The following CIBAR1 variants were observed in gnomAD, a reference collection of about 807,000 sequenced individuals.
CIBAR1 encodes the protein CBY1 interacting BAR domain containing 1.
In CIBAR1, 25 loss-of-function variants were observed where a neutral mutation model predicts 44.0. The ratio of observed to expected loss-of-function variants is 0.57; its 90% CI spans 0.41 to 0.79. The LOEUF is 0.79. Ranked by LOEUF, CIBAR1 falls within the 30% of genes least tolerant of loss-of-function variation. The pLI is 0.00. For missense variants in CIBAR1, 278 were observed against 344.8 expected, an observed-to-expected ratio of 0.81 and a Z score of 1.53; for synonymous variants, 115 against 119.0, an observed-to-expected ratio of 0.97 and a Z score of 0.22.
intron 6 of CIBAR1, among the ~76,000 whole-genome samples, chr8:93,718,005 C>T (rs866663875): frequency 4.6e-5 from 7 of 152,166 alleles, no homozygotes; most frequent in African/African-American, 1.4e-4. Flanking sequence ...TGATTGATTC[C>T]GGCAAGAACA....
chr8:93,717,861 A>G (rs1383324953), intron 6 of CIBAR1, among the ~76,000 whole-genome samples: 2 of 152,090 alleles, frequency 1.3e-5, no homozygotes, highest in East Asian at 3.9e-4. Context: ...TCTTTTCCAC[A>G]CCTACTGATT....
At chr8:93,716,890 C>A (rs1016743020) in intron 6 of CIBAR1, among the ~76,000 whole-genome samples, 1 of 152,172 alleles carries the variant, frequency 6.6e-6, no homozygotes, top group African/African-American at 2.4e-5. Context: ...ATATCCTATA[C>A]GCTGGAGAGC....
At position 93,728,221 on chromosome 8, in the gene CIBAR1, T is replaced by C. The variant is rs1563653918; in HGVS notation, c.794T>C (p.Leu265Pro). The C allele has an allele frequency of 6.3e-7, 1 of 1,590,508 alleles. No individual in the cohort carries two copies. ...TTTTAACAGGTATCCACTTGTCGACTAAGAAAGGATCAACAAGCAGAAGAT... is the reference window on the plus strand; with the variant it reads ...TTTTAACAGGTATCCACTTGTCGACCAAGAAAGGATCAACAAGCAGAAGAT... Reference protein sequence around the residue: ...SGTGQVSTCRLRKDQQAEDDE... With the variant: ...SGTGQVSTCRPRKDQQAEDDE... The change falls in exon 9 of 9, where the codon CTA becomes CCA. Residue 265 changes from leucine to proline, a missense_variant. Coordinates refer to ENST00000518322, the MANE Select transcript of CIBAR1 (RefSeq NM_145269.5).
chr8:93,727,213 C>T (rs1375969613), intron 8 of CIBAR1: 1 of 1,279,588 alleles, frequency 7.8e-7, no homozygotes, highest in Admixed American at 2.4e-5. Flanking sequence ...ATATAAAATT[C>T]AACAAACTTA....
rs1009757397 is a variant in CIBAR1 at position 93,727,065 on chromosome 8, A to C, written c.777+552A>C. On this transcript the variant is annotated intron_variant, in intron 8 of 8. Coordinates refer to ENST00000518322, the MANE Select transcript of CIBAR1 (RefSeq NM_145269.5). ...GTTTCTACCCCAACAACTATAAATA[A>C]CAACTGTTAAGTAACACATAAAGCA... The C allele has an allele frequency of 5.4e-6, 3 of 557,348 alleles. No individual in the cohort carries two copies. In the African/African-American group the frequency reaches 5.8e-5, roughly 11 times the overall value. 34.5% of individuals were successfully genotyped at this position (557,348 alleles called of 1,614,324 possible).
chr8:93,710,916 A>G (rs971221389), intron 6 of CIBAR1, among the ~76,000 whole-genome samples: 8 of 152,156 alleles, frequency 5.3e-5, no homozygotes, highest in Non-Finnish European at 1.0e-4. Context: ...GGAGCTATAA[A>G]CCAATTTTTT....
chr8:93,726,305 T>TA (rs555755364), intron 7 of CIBAR1, 89 bp from the exon 8 acceptor site: 869 of 1,227,286 alleles, frequency 7.1e-4, no homozygotes, highest in Middle Eastern at 3.4e-3. Flanking sequence ...GTTGTTTTTT[T>TA]AAAAAAAAAT....
Position 93,705,025 on chromosome 8 carries a change from T to C in CIBAR1, c.432+15T>C, listed in dbSNP as rs1810523079. The C allele has an allele frequency of 6.3e-7, 1 of 1,588,358 alleles. No individual in the cohort carries two copies. Among genetic ancestry groups the C allele is most frequent in the Non-Finnish European group, 8.6e-7 (1 of 1,157,986 alleles). On this transcript the variant is annotated intron_variant, in intron 4 of 8. Transcript: ENST00000518322. ...GACATGTTATTGTATCCTTTGAATT[T>C]GGGTCTTTAAAAAAATGTTTAAGGT...
At chr8:93,723,325 G>A (rs530318116) in intron 7 of CIBAR1, among the ~76,000 whole-genome samples, 47 of 152,190 alleles carry the variant, frequency 3.1e-4, no homozygotes, top group African/African-American at 1.1e-3. Context: ...GTCATACCAG[G>A]ATGTCAGTGG....
intron 7 of CIBAR1, chr8:93,719,514 C>T (rs937413478): frequency 1.1e-4 from 17 of 152,272 alleles, no homozygotes; most frequent in East Asian, 3.9e-4. Context: ...TGCTATAACT[C>T]TCATTTTACA....
intron 2 of CIBAR1, chr8:93,702,275 T>C (rs559746780): frequency 2.4e-6 from 1 of 422,950 alleles, no homozygotes; most frequent in South Asian, 1.7e-5. Context: ...GGAGGTACTT[T>C]TGGAAAAATG....
At position 93,712,449 on chromosome 8, in the gene CIBAR1, A is replaced by G. The variant is rs892614460; in HGVS notation, c.543+2574A>G. ...ATACCACATTTTGTTTACTCATTTC[A>G]TGGACATTTCGGTGGTTTCCACCTT... On this transcript the variant is annotated intron_variant, in intron 6 of 8. Coordinates refer to ENST00000518322, the MANE Select transcript of CIBAR1 (RefSeq NM_145269.5). Among the ~76,000 whole-genome samples, 7 of 152,142 alleles carry G rather than the reference A, an allele frequency of 4.6e-5. No individual in the cohort carries two copies. The East Asian group carries it at 7.7e-4, about 17-fold the overall frequency.
chr8:93,720,274 G>A (rs926180978), intron 7 of CIBAR1, among the ~76,000 whole-genome samples: 9 of 152,124 alleles, frequency 5.9e-5, no homozygotes, highest in South Asian at 4.2e-4. Context: ...GAGCCACTGC[G>A]CCTGGCCTAG....
intron 8 of CIBAR1, chr8:93,727,370 A>T: frequency 2.5e-6 from 1 of 397,518 alleles, no homozygotes; most frequent in Non-Finnish European, 4.5e-6. Context: ...AGTGCCTTGA[A>T]CATAAATTCC....
intron 7 of CIBAR1, among the ~76,000 whole-genome samples, chr8:93,720,531 C>T (rs1291595171): frequency 6.6e-6 from 1 of 152,078 alleles, no homozygotes; most frequent in Non-Finnish European, 1.5e-5. Flanking sequence ...AACACTACAG[C>T]TAAGGTTTCT....
Position 93,713,033 on chromosome 8 carries a change from C to T in CIBAR1, c.543+3158C>T, listed in dbSNP as rs28838616. Among the ~76,000 whole-genome samples, 122 of 128,646 alleles carry T rather than the reference C, an allele frequency of 9.5e-4. 3 individuals carry two copies. Among genetic ancestry groups the T allele is most frequent in the Middle Eastern group, 4.5e-3 (1 of 224 alleles). 84.4% of individuals were successfully genotyped at this position (128,646 alleles called of 152,430 possible). A position where few individuals can be genotyped will look rare whatever the true frequency, so the allele number is the denominator to read the frequency against. Reference sequence around the variant, plus strand: ...TTACCCTTTTTTTCTCCTTTTTTTTCTTTTTTTTTTTTTTTTCGAGACAGA... The same window carrying T: ...TTACCCTTTTTTTCTCCTTTTTTTTTTTTTTTTTTTTTTTTTCGAGACAGA... On this transcript the variant is annotated intron_variant, in intron 6 of 8. Transcript: ENST00000518322.
Position 93,700,672 on chromosome 8 carries a change from C to G in CIBAR1, c.25C>G (p.Arg9Gly). Residue 9 changes from arginine (R) to glycine (G), a missense_variant and splice_region_variant, in exon 1 of 9, where the codon CGG becomes GGG. Physicochemically the swap from Arg to Gly is moderately radical, Grantham distance 125. Transcript: ENST00000518322. The part of the protein sequence containing the change: MMRRTLEN[R>G]NAQTKQLQTA... ...CATGATGAGGCGCACCCTGGAAAACCGGTAACAGCCCGAGCCCAGCTGCCC... is the reference window on the plus strand; with the variant it reads ...CATGATGAGGCGCACCCTGGAAAACGGGTAACAGCCCGAGCCCAGCTGCCC... The G allele has an allele frequency of 6.6e-7, 1 of 1,504,842 alleles. No homozygotes were observed. Among genetic ancestry groups the G allele is most frequent in the Non-Finnish European group, 8.9e-7 (1 of 1,127,414 alleles). The allele number at this position is 1,504,842 out of a possible 1,614,324, so 93.2% of individuals were successfully genotyped here. A position where few individuals can be genotyped will look rare whatever the true frequency, so the allele number is the denominator to read the frequency against.
chr8:93,707,869 A>T (rs539213332), intron 4 of CIBAR1, 142 bp from the exon 5 acceptor site: 1 of 479,086 alleles, frequency 2.1e-6, no homozygotes, highest in African/African-American at 2.0e-5. Flanking sequence ...ACTGAATTAC[A>T]TAAGTAACCA....
intron 6 of CIBAR1, chr8:93,715,573 C>T (rs1320984929): frequency 6.6e-6 from 1 of 152,034 alleles, no homozygotes; most frequent in African/African-American, 2.4e-5. Flanking sequence ...GTGCCAGGTA[C>T]CATTCTAAGC....
Sources: allele counts gnomAD v4.1 joint callset (sites outside exome capture counted in the v4.1 genomes callset), GRCh38; gene constraint gnomAD v4.1.1; transcripts MANE v1.5; gene names NCBI Gene and HGNC (gene_info 2026-07-23, HGNC 2026-07-21).